CNTNAP3B: variants seen among roughly 807,000 people sequenced by gnomAD.
The protein encoded by CNTNAP3B is contactin associated protein family member 3B.
Under a neutral mutation model 108.9 loss-of-function variants are expected in CNTNAP3B, and 25 were observed. That is an observed-to-expected ratio of 0.23 (90% confidence interval 0.17 to 0.32). The LOEUF is 0.32. Ranked by LOEUF, CNTNAP3B falls within the 10% of genes least tolerant of loss-of-function variation. CNTNAP3B has a pLI of 1.00. For missense variants in CNTNAP3B, 252 were observed against 1,210.4 expected, an observed-to-expected ratio of 0.21 and a Z score of 11.75; for synonymous variants, 103 against 473.4, an observed-to-expected ratio of 0.22 and a Z score of 10.16.
chr9:42,127,566 T>A (rs1189175960), intron 1 of CNTNAP3B, among the ~76,000 whole-genome samples: 1 of 139,854 alleles, frequency 7.2e-6, no homozygotes, highest in Non-Finnish European at 1.5e-5. Flanking sequence ...TTTCTATAAG[T>A]AACTCATTTA....
At chr9:41,945,989 A>G (rs1405752790) in intron 13 of CNTNAP3B, among the ~76,000 whole-genome samples, 2 of 152,294 alleles carry the variant, frequency 1.3e-5, no homozygotes, top group Non-Finnish European at 2.9e-5. Context: ...ATCAGAGATG[A>G]AAAAGGGCAT....
chr9:41,925,327 C>T (rs1823785147), intron 15 of CNTNAP3B, among the ~76,000 whole-genome samples: 4 of 152,166 alleles, frequency 2.6e-5, no homozygotes, highest in African/African-American at 7.2e-5. Context: ...GGCGCAGTGG[C>T]TCACGCCTGT....
chr9:41,946,004 CAAT>C (rs1824523513), intron 13 of CNTNAP3B, among the ~76,000 whole-genome samples: 1 of 152,260 alleles, frequency 6.6e-6, no homozygotes, highest in Non-Finnish European at 1.5e-5. Flanking sequence ...GGGCATTACA[CAAT>C]AATAAAGGGG....
At position 42,122,068 on chromosome 9, in the gene CNTNAP3B, G is replaced by A. The variant is rs1045642540; in HGVS notation, c.85+6942C>T. Reference sequence around the variant, plus strand: ...TTACATGACAAGTGAGGAGCCCTGAGCTTAGGGAATTCAAAGTTTTCTATG... The same window carrying A: ...TTACATGACAAGTGAGGAGCCCTGAACTTAGGGAATTCAAAGTTTTCTATG... On this transcript the variant is annotated intron_variant, in intron 1 of 23. Coordinates refer to ENST00000377561, the MANE Select transcript of CNTNAP3B (RefSeq NM_001201380.3). Among the ~76,000 whole-genome samples, 7 of 139,994 alleles carry A rather than the reference G, an allele frequency of 5.0e-5. 2 individuals carry two copies. Among genetic ancestry groups the A allele is most frequent in the African/African-American group, 1.1e-4 (4 of 35,534 alleles). The allele number at this position is 139,994 out of a possible 152,430, so 91.8% of individuals were successfully genotyped here.
chr9:42,087,272 G>A (rs1363958954), intron 2 of CNTNAP3B, among the ~76,000 whole-genome samples: 1 of 137,626 alleles, frequency 7.3e-6, no homozygotes, highest in Non-Finnish European at 1.6e-5. Context: ...TGTATGGAGA[G>A]ACAGTCCACT....
intron 6 of CNTNAP3B, among the ~76,000 whole-genome samples, chr9:41,997,311 G>T (rs926312056): frequency 2.1e-5 from 3 of 140,096 alleles, no homozygotes; most frequent in African/African-American, 5.6e-5. Flanking sequence ...TAATAACAAT[G>T]CTTGCTACCT....
chr9:42,016,752 G>T (rs1276963094), intron 3 of CNTNAP3B, among the ~76,000 whole-genome samples: 1 of 151,776 alleles, frequency 6.6e-6, no homozygotes, highest in African/African-American at 2.4e-5. Context: ...ATTCTTTTCT[G>T]TCTTAGCAGG....
At chr9:42,085,944 A>T (rs1406936902) in intron 2 of CNTNAP3B, among the ~76,000 whole-genome samples, 2 of 144,898 alleles carry the variant, frequency 1.4e-5, no homozygotes, top group African/African-American at 2.7e-5. Context: ...CATTGTGGTT[A>T]TCCATTCAGT....
At chr9:42,029,562 G>A (rs1826475164) in intron 3 of CNTNAP3B, among the ~76,000 whole-genome samples, 1 of 112,836 alleles carries the variant, frequency 8.9e-6, no homozygotes. Flanking sequence ...ATGGAGTCTT[G>A]CTCTGTCGCC....
At chr9:41,959,861 A>C (rs1487492206) in intron 12 of CNTNAP3B, 2 of 152,308 alleles carry the variant, frequency 1.3e-5, no homozygotes, top group Non-Finnish European at 2.9e-5. Flanking sequence ...ATAAATGAGA[A>C]CAGTTTATTC....
chr9:41,937,200 T>A (rs552103588), intron 14 of CNTNAP3B, among the ~76,000 whole-genome samples: 1 of 149,586 alleles, frequency 6.7e-6, no homozygotes, highest in Non-Finnish European at 1.5e-5. Context: ...CGATCTCAGC[T>A]CACTGCAACC....
intron 3 of CNTNAP3B, among the ~76,000 whole-genome samples, chr9:42,056,481 G>T (rs929824372): frequency 7.3e-6 from 1 of 137,040 alleles, no homozygotes; most frequent in African/African-American, 2.9e-5. Flanking sequence ...CTCCTGAGTA[G>T]CTGGGACTAC....
chr9:41,924,460 G>A (rs1260606716), intron 15 of CNTNAP3B, among the ~76,000 whole-genome samples: 1 of 152,304 alleles, frequency 6.6e-6, no homozygotes, highest in African/African-American at 2.4e-5. Context: ...TGGAGTCTGA[G>A]GTGACTTTGG....
At chr9:41,966,338 G>C (rs1375058093) in intron 10 of CNTNAP3B, among the ~76,000 whole-genome samples, 1 of 151,874 alleles carries the variant, frequency 6.6e-6, no homozygotes, top group Non-Finnish European at 1.5e-5. Context: ...TTGGAAATAA[G>C]AACTATTTAA....
At position 42,002,493 on chromosome 9, in the gene CNTNAP3B, C is replaced by T. The variant is rs140299829; in HGVS notation, c.539-3889G>A. Among the ~76,000 whole-genome samples, 626 of 104,478 alleles carry T rather than the reference C, an allele frequency of 6.0e-3. 24 individuals are homozygous for T. The highest frequency in any genetic ancestry group is 0.021 in the African/African-American group (556 of 26,012). The allele number at this position is 104,478 out of a possible 152,430, so 68.5% of individuals were successfully genotyped here. ...GATATGTTCACAAAGTTCCCAAATA[C>T]GAATTCTTGCAGATAAAGAACTTTG... On this transcript the variant is annotated intron_variant, in intron 4 of 23. Transcript: ENST00000377561.
chr9:42,036,393 C>A lies in CNTNAP3B; in HGVS notation c.391-22868G>T, dbSNP rs1217826560. 1.4e-5 allele frequency among the ~76,000 whole-genome samples: 2 copies of A among 140,230 alleles called. 1 individual carries two copies. Among genetic ancestry groups the A allele is most frequent in the Non-Finnish European group, 3.1e-5 (2 of 65,230 alleles). 92.0% of individuals were successfully genotyped at this position (140,230 alleles called of 152,430 possible). The stretch of plus-strand genomic sequence containing the variant: ...TTTGCACAGTGCACGTTTTCTCCAA[C>A]TTCTTTTTTCACTTAAATGATATAT... On this transcript the variant is annotated intron_variant, in intron 3 of 23. Transcript: ENST00000377561.
At chr9:41,948,237 G>C (rs1444441481) in intron 13 of CNTNAP3B, among the ~76,000 whole-genome samples, 1 of 145,236 alleles carries the variant, frequency 6.9e-6, no homozygotes, top group Non-Finnish European at 1.5e-5. Context: ...GATTATAGGT[G>C]TGTGCCACCA....
rs1425144212 is a variant in CNTNAP3B at position 41,948,212 on chromosome 9, C to T, written c.2080+4971G>A. ...GTTCAAGCGATTCTCCTGCCTCAGC[C>T]TCCTGAGTAGCTGGGATTATAGGTG... On this transcript the variant is annotated intron_variant, in intron 13 of 23. Coordinates refer to ENST00000377561, the MANE Select transcript of CNTNAP3B (RefSeq NM_001201380.3). Among the ~76,000 whole-genome samples the T allele has an allele frequency of 2.1e-5, 3 of 144,730 alleles. No individual in the cohort carries two copies. In the Admixed American group the frequency reaches 2.1e-4, roughly 10 times the overall value. 94.9% of individuals were successfully genotyped at this position (144,730 alleles called of 152,430 possible). A position where few individuals can be genotyped will look rare whatever the true frequency, so the allele number is the denominator to read the frequency against.
rs543880701 is a variant in CNTNAP3B, at chr9:42,063,379, C to T, written c.390+13490G>A. The stretch of plus-strand genomic sequence containing the variant: ...CAGCACTTGAATATATCATCCTGCT[C>T]TTCCCTGGCCTGTAAGGTTTCTGCT... On this transcript the variant is annotated intron_variant, in intron 3 of 23. Coordinates refer to ENST00000377561, the MANE Select transcript of CNTNAP3B (RefSeq NM_001201380.3). 5.1e-5 allele frequency among the ~76,000 whole-genome samples: 7 copies of T among 135,956 alleles called. 1 individual carries two copies. In the South Asian group the frequency reaches 1.7e-3, roughly 33 times the overall value. 89.2% of individuals were successfully genotyped at this position (135,956 alleles called of 152,430 possible).
Sources: allele counts gnomAD v4.1 joint callset (sites outside exome capture counted in the v4.1 genomes callset), GRCh38; gene constraint gnomAD v4.1.1; transcripts MANE v1.5; gene names NCBI Gene and HGNC (gene_info 2026-07-23, HGNC 2026-07-21).